NXPH1: variants seen among roughly 807,000 people sequenced by gnomAD.
NXPH1 encodes the protein neurexophilin 1.
A neutral mutation model predicts 23.7 loss-of-function variants in NXPH1; 5 were observed. The observed-to-expected ratio is 0.21, with a 90% CI of 0.11 to 0.44. The LOEUF is 0.44. Ranked by LOEUF, NXPH1 falls within the 20% of genes least tolerant of loss-of-function variation. The pLI, the probability that NXPH1 is intolerant of heterozygous loss-of-function variation, is 0.99. For missense variants in NXPH1, 324 were observed against 321.6 expected (o/e 1.01, Z -0.06); for synonymous variants, 144 against 122.2 (o/e 1.18, Z -1.18).
intron 2 of NXPH1, among the ~76,000 whole-genome samples, chr7:8,627,232 C>T (rs1820011726): frequency 6.6e-6 from 1 of 152,050 alleles, no homozygotes; most frequent in African/African-American, 2.4e-5. Context: ...CCTGGGAACT[C>T]ATGCATGACC....
rs181142660 is a variant in NXPH1 at position 8,521,485 on chromosome 7, C to A, written c.54+85718C>A. ...AGGCATTGAATTGCTGAGAAAGCTA[C>A]CTCCAAGCTTGCTTTATCTTTCCCC... On this transcript the variant is annotated intron_variant, in intron 2 of 2. Coordinates refer to ENST00000405863, the MANE Select transcript of NXPH1 (RefSeq NM_152745.3). 1.3e-3 allele frequency among the ~76,000 whole-genome samples: 202 copies of A among 152,250 alleles called. 1 individual carries two copies. Among genetic ancestry groups the A allele is most frequent in the African/African-American group, 4.4e-3 (184 of 41,556 alleles).
intron 2 of NXPH1, among the ~76,000 whole-genome samples, chr7:8,446,948 C>T (rs527618198): frequency 6.6e-6 from 1 of 151,646 alleles, no homozygotes; most frequent in African/African-American, 2.4e-5. Context: ...CTGCACTATC[C>T]TGTTAACATC....
chr7:8,660,461 A>G (rs1820654132), intron 2 of NXPH1, among the ~76,000 whole-genome samples: 1 of 152,230 alleles, frequency 6.6e-6, no homozygotes, highest in South Asian at 2.1e-4. Context: ...ACTACTGTTC[A>G]AAAATTAAGA....
At chr7:8,679,828 C>G (rs1821023988) in intron 2 of NXPH1, among the ~76,000 whole-genome samples, 1 of 152,234 alleles carries the variant, frequency 6.6e-6, no homozygotes, top group Non-Finnish European at 1.5e-5. Flanking sequence ...CGAGACCAGC[C>G]TGACCAACAT....
intron 2 of NXPH1, among the ~76,000 whole-genome samples, chr7:8,669,015 A>C (rs1044334379): frequency 2.0e-5 from 3 of 151,798 alleles, no homozygotes; most frequent in Non-Finnish European, 4.4e-5. Flanking sequence ...GCTGACCTGG[A>C]GACTAGTTCT....
intron 2 of NXPH1, among the ~76,000 whole-genome samples, chr7:8,486,491 T>C (rs1316912155): frequency 6.6e-6 from 1 of 152,212 alleles, no homozygotes; most frequent in Admixed American, 6.6e-5. Flanking sequence ...ACATTCTTCT[T>C]TTAATAAGAC....
At chr7:8,653,313 A>G (rs927913422) in intron 2 of NXPH1, among the ~76,000 whole-genome samples, 2 of 152,154 alleles carry the variant, frequency 1.3e-5, no homozygotes, top group Non-Finnish European at 2.9e-5. Context: ...TAGACTACAT[A>G]TATTTTAGCA....
intron 2 of NXPH1, among the ~76,000 whole-genome samples, chr7:8,745,736 T>TTG (rs896932966): frequency 6.8e-6 from 1 of 147,368 alleles, no homozygotes; most frequent in Non-Finnish European, 1.5e-5. Context: ...TTTTTTTTTT[T>TTG]TTTTTGTATT....
At chr7:8,585,632 C>G (rs1263765427) in intron 2 of NXPH1, among the ~76,000 whole-genome samples, 1 of 152,124 alleles carries the variant, frequency 6.6e-6, no homozygotes, top group African/African-American at 2.4e-5. Context: ...TGCACTCAAT[C>G]TGGTAATATG....
At chr7:8,676,217 G>C (rs571091851) in intron 2 of NXPH1, among the ~76,000 whole-genome samples, 2 of 152,286 alleles carry the variant, frequency 1.3e-5, no homozygotes, top group East Asian at 3.9e-4. Flanking sequence ...CTACGTCTAA[G>C]ATGTGTGTTA....
intron 2 of NXPH1, among the ~76,000 whole-genome samples, chr7:8,470,445 G>A (rs1018679691): frequency 2.0e-5 from 3 of 152,134 alleles, no homozygotes; most frequent in Non-Finnish European, 4.4e-5. Flanking sequence ...TCAAGTTGTG[G>A]CTGTTCCCTA....
chr7:8,512,941 G>T (rs1817633980), intron 2 of NXPH1, among the ~76,000 whole-genome samples: 2 of 152,092 alleles, frequency 1.3e-5, no homozygotes, highest in South Asian at 2.1e-4. Flanking sequence ...TGACACACTG[G>T]ATATATTACT....
At chr7:8,454,822 A>G (rs913572566) in intron 2 of NXPH1, among the ~76,000 whole-genome samples, 15 of 152,160 alleles carry the variant, frequency 9.9e-5, no homozygotes, top group African/African-American at 3.1e-4. Context: ...TTAGTGAATT[A>G]TAAATTTCTC....
chr7:8,567,676 A>G (rs1048492357), intron 2 of NXPH1, among the ~76,000 whole-genome samples: 3 of 151,930 alleles, frequency 2.0e-5, no homozygotes, highest in South Asian at 4.1e-4. Flanking sequence ...TGAGTATTCA[A>G]TGCCACCAGA....
intron 2 of NXPH1, among the ~76,000 whole-genome samples, chr7:8,508,429 C>T (rs550521600): frequency 2.0e-5 from 3 of 152,200 alleles, no homozygotes; most frequent in Non-Finnish European, 2.9e-5. Context: ...AAATATCTGT[C>T]GCATATATCT....
At chr7:8,512,096 C>A (rs1303212110) in intron 2 of NXPH1, among the ~76,000 whole-genome samples, 1 of 152,120 alleles carries the variant, frequency 6.6e-6, no homozygotes, top group African/African-American at 2.4e-5. Context: ...AATGAGTTGG[C>A]TCTTCTGAAG....
At chr7:8,641,671 G>T (rs77446061) in intron 2 of NXPH1, among the ~76,000 whole-genome samples, 7,211 of 151,962 alleles carry the variant, frequency 0.047, 379 homozygotes, top group East Asian at 0.17. Flanking sequence ...CCACCTTGAG[G>T]GATGAGAATT....
At chr7:8,465,132 T>C (rs1468222117) in intron 2 of NXPH1, among the ~76,000 whole-genome samples, 1 of 152,174 alleles carries the variant, frequency 6.6e-6, no homozygotes, top group African/African-American at 2.4e-5. Context: ...AAATTTATAG[T>C]ATAGGGGATC....
At chr7:8,453,125 T>C (rs1268822003) in intron 2 of NXPH1, among the ~76,000 whole-genome samples, 6 of 152,156 alleles carry the variant, frequency 3.9e-5, no homozygotes, top group African/African-American at 1.2e-4. Context: ...AAAGATACTT[T>C]TTTATTTTTT....
Sources: allele counts gnomAD v4.1 joint callset (sites outside exome capture counted in the v4.1 genomes callset), GRCh38; gene constraint gnomAD v4.1.1; transcripts MANE v1.5; gene names NCBI Gene and HGNC (gene_info 2026-07-23, HGNC 2026-07-21).